The following CRYBG2 variants were observed in gnomAD, a reference collection of about 807,000 sequenced individuals.
CRYBG2 encodes crystallin beta-gamma domain containing 2.
In CRYBG2, 106 loss-of-function variants were observed where a neutral mutation model predicts 153.4. The observed-to-expected ratio is 0.69, with a 90% CI of 0.59 to 0.81. CRYBG2 has a LOEUF of 0.81. Ranked by LOEUF, CRYBG2 falls within the 30% of genes least tolerant of loss-of-function variation. The pLI is 0.00. For missense variants in CRYBG2, 1,996 were observed against 2,112.0 expected (o/e 0.95, Z 1.08); for synonymous variants, 851 against 877.8 (o/e 0.97, Z 0.54).
At position 26,343,856 on chromosome 1, in the gene CRYBG2, C is replaced by T; in HGVS notation, c.2802G>A (p.Leu934=). The T allele has an allele frequency of 6.7e-7, 1 of 1,494,080 alleles. No homozygotes were observed. Among genetic ancestry groups the T allele is most frequent in the Admixed American group, 2.3e-5 (1 of 44,006 alleles). 92.6% of individuals were successfully genotyped at this position (1,494,080 alleles called of 1,614,324 possible). A position where few individuals can be genotyped will look rare whatever the true frequency, so the allele number is the denominator to read the frequency against. ...EPLGTKLSAL[L]PHGAPGLRKV... is the part of the protein sequence containing the mutation. Reference sequence around the variant, plus strand: ...TCCTGAGCCCCGGTGCCCCATGGGGCAGCAGAGCAGATAGTTTTGTGCCCA... The same window carrying T: ...TCCTGAGCCCCGGTGCCCCATGGGGTAGCAGAGCAGATAGTTTTGTGCCCA... The change falls in exon 2 of 20, where the codon CTG becomes CTA. Residue 934 remains leucine (L), a synonymous_variant. Transcript: ENST00000308182. This position sits in a 1 kb window ranked among gnomAD's most constrained non-coding sequence, Gnocchi z 4.1.
chr1:26,341,196 C>T (rs1258889809), intron 5 of CRYBG2, among the ~76,000 whole-genome samples: 2 of 151,564 alleles, frequency 1.3e-5, no homozygotes, highest in East Asian at 4.0e-4. Context: ...AAAAAATTAG[C>T]CGGGCATAGT....
At position 26,345,593 on chromosome 1, in the gene CRYBG2, G is replaced by A; in HGVS notation, c.1065C>T (p.Pro355=). 1 of 1,601,416 alleles carries A rather than the reference G, an allele frequency of 6.2e-7. No individual in the cohort carries two copies. Among genetic ancestry groups the A allele is most frequent in the East Asian group, 2.2e-5 (1 of 44,868 alleles). The change falls in exon 2 of 20, where the codon CCC becomes CCT. Residue 355 remains proline, a synonymous_variant. Transcript: ENST00000308182. ...GAGAGGGGACATGGGTCTCGAGTCT[G>A]GGAGAGGAGGGGACTGATGCTTGAC... ...SQGQASVPSS[P]RLETHVPSPG...
At chr1:26,324,491 ATC>A (rs398049161) in intron 17 of CRYBG2, among the ~76,000 whole-genome samples, 181 bp from the exon 18 acceptor site, 1,572 of 135,566 alleles carry the variant, frequency 0.012, 18 homozygotes, top group African/African-American at 0.038. Context: ...GAGCACATGT[ATC>A]TCTCTCTCTC....
In CRYBG2 at chr1:26,342,851, C is replaced by G. The variant is rs758313507; in HGVS notation, c.3107G>C (p.Gly1036Ala). The change falls in exon 5 of 20, where the codon GGT becomes GCT. Residue 1036 changes from glycine to alanine, a missense_variant. Coordinates refer to ENST00000308182, the MANE Select transcript of CRYBG2 (RefSeq NM_001039775.4). Reference sequence around the variant, plus strand: ...TCCTTCAGGCAGGACCAGCTTCTGACCCCGGAACTCTGGCTCTTCGTACAG... The same window carrying G: ...TCCTTCAGGCAGGACCAGCTTCTGAGCCCGGAACTCTGGCTCTTCGTACAG... ...WVLYEEPEFR[G>A]QKLVLPEGDM... The G allele has an allele frequency of 6.2e-7, 1 of 1,614,172 alleles. No individual in the cohort carries two copies. Among genetic ancestry groups the G allele is most frequent in the Non-Finnish European group, 8.5e-7 (1 of 1,180,028 alleles).
At chr1:26,328,927 G>A (rs981113324) in intron 15 of CRYBG2, 54 bp from the exon 16 acceptor site, 105 of 1,603,538 alleles carry the variant, frequency 6.5e-5, no homozygotes, top group Non-Finnish European at 8.8e-5. Flanking sequence ...AGTCCCAGAC[G>A]CAGCCCCACA....
intron 1 of CRYBG2, among the ~76,000 whole-genome samples, chr1:26,348,163 C>T (rs965892319): frequency 1.3e-5 from 2 of 152,190 alleles, no homozygotes; most frequent in Non-Finnish European, 2.9e-5. Flanking sequence ...AGATTTGTGA[C>T]CAAATGTTAG....
chr1:26,330,689 C>A (rs1313174092), intron 15 of CRYBG2, among the ~76,000 whole-genome samples: 1 of 151,940 alleles, frequency 6.6e-6, no homozygotes, highest in Non-Finnish European at 1.5e-5. Context: ...CAGACGTGCA[C>A]CACCACACCT....
intron 1 of CRYBG2, among the ~76,000 whole-genome samples, chr1:26,352,158 C>T (rs2074293688): frequency 6.6e-6 from 1 of 152,184 alleles, no homozygotes; most frequent in Admixed American, 6.5e-5. Flanking sequence ...CACAGGCCCA[C>T]ATGCAGGCAA....
In CRYBG2 at chr1:26,327,539, C is replaced by T. The variant is rs185695108; in HGVS notation, c.4578+670G>A. Among the ~76,000 whole-genome samples, 182 of 151,892 alleles carry T rather than the reference C, an allele frequency of 1.2e-3. 1 individual carries two copies. The highest frequency in any genetic ancestry group is 0.01 in the Middle Eastern group (3 of 294). On this transcript the variant is annotated intron_variant, in intron 17 of 19. Transcript: ENST00000308182. Reference sequence around the variant, plus strand: ...TGGCACATACTTGTAATCCCAGCTACTTCGGAGGATGAGGTAGGAGAATCA... The same window carrying T: ...TGGCACATACTTGTAATCCCAGCTATTTCGGAGGATGAGGTAGGAGAATCA...
At chr1:26,326,367 C>T (rs955587877) in intron 17 of CRYBG2, among the ~76,000 whole-genome samples, 10 of 151,874 alleles carry the variant, frequency 6.6e-5, no homozygotes, top group Non-Finnish European at 4.4e-5. Context: ...GAAACCCCAT[C>T]TCTACTAAAA....
At chr1:26,329,377 A>G (rs956097244) in intron 15 of CRYBG2, among the ~76,000 whole-genome samples, 1 of 151,516 alleles carries the variant, frequency 6.6e-6, no homozygotes, top group Non-Finnish European at 1.5e-5. Flanking sequence ...GGCTTTCGCC[A>G]TGTTAGTCTG....
chr1:26,347,720 G>A (rs1438967752), intron 1 of CRYBG2, among the ~76,000 whole-genome samples: 1 of 151,952 alleles, frequency 6.6e-6, no homozygotes, highest in Non-Finnish European at 1.5e-5. Flanking sequence ...TTGATCTCCT[G>A]ACCTCATGAT....
rs767107659 is a variant in CRYBG2 at position 26,336,300 on chromosome 1, C to T, written c.4071+38G>A. ...GAAAGGTCCGAAATGAGGGGAGAGA[C>T]GTGAGCCCAGCGGCTCCCTGCGGAG... On this transcript the variant is annotated intron_variant, in intron 13 of 19. Coordinates refer to ENST00000308182, the MANE Select transcript of CRYBG2 (RefSeq NM_001039775.4). This position sits in a 1 kb window ranked among gnomAD's most constrained non-coding sequence, Gnocchi z 4.9. 14 of 1,611,930 alleles carry T rather than the reference C, an allele frequency of 8.7e-6. No homozygotes were observed. The highest frequency in any genetic ancestry group is 1.2e-5 in the Non-Finnish European group (14 of 1,178,986).
chr1:26,336,675 GC>G lies in CRYBG2; in HGVS notation c.3968del (p.Gly1323AlafsTer188). The G allele has an allele frequency of 1.9e-6, 3 of 1,559,564 alleles. No individual in the cohort carries two copies. Among genetic ancestry groups the G allele is most frequent in the Non-Finnish European group, 2.6e-6 (3 of 1,151,482 alleles). On this transcript the variant is annotated frameshift_variant, in exon 12 of 20. Coordinates refer to ENST00000308182, the MANE Select transcript of CRYBG2 (RefSeq NM_001039775.4). LOFTEE classifies it high-confidence loss of function. The surrounding 1 kb of genome is among the most constrained non-coding windows in gnomAD (Gnocchi z 4.9). ...FSGEQYVLEKGVYRNCEDWGA... is the reference protein window; with the variant it reads ...FSGEQYVLEKXVYRNCEDWGA... ...CCCAGTCCTCGCAGTTACGATACAC[GC>G]CCTTCTCCAGCACGTACTGTTCCCC...
At position 26,336,510 on chromosome 1, in the gene CRYBG2, G is replaced by A; in HGVS notation, c.4038+96C>T. ...AGGCCCCGCCCCAAGCGCCCAGGCA[G>A]GTCCTCCAGCCCGCTACCTCTGCGT... On this transcript the variant is annotated intron_variant, in intron 12 of 19. Transcript: ENST00000308182. The surrounding 1 kb of genome is among the most constrained non-coding windows in gnomAD (Gnocchi z 4.9). The A allele has an allele frequency of 1.9e-6, 3 of 1,545,556 alleles. No homozygotes were observed. The highest frequency in any genetic ancestry group is 2.6e-6 in the Non-Finnish European group (3 of 1,144,152).
chr1:26,339,848 T>C (rs993865706), intron 5 of CRYBG2, among the ~76,000 whole-genome samples: 3 of 152,200 alleles, frequency 2.0e-5, no homozygotes, highest in African/African-American at 7.2e-5. Flanking sequence ...AGAAAACCTT[T>C]GTAGCCATTC....
At chr1:26,339,705 A>C (rs10902740) in intron 5 of CRYBG2, among the ~76,000 whole-genome samples, 91,731 of 151,092 alleles carry the variant, frequency 0.61, 28,689 homozygotes, top group African/African-American at 0.67. Context: ...CATTGCACTC[A>C]AGCCTGGGCA....
At position 26,336,627 on chromosome 1, in the gene CRYBG2, G is replaced by A; in HGVS notation, c.4017C>T (p.Ala1339=). 1.3e-6 allele frequency: 2 copies of A among 1,550,272 alleles called. No homozygotes were observed. The highest frequency in any genetic ancestry group is 2.4e-5 in the South Asian group (2 of 84,082). Residue 1339 remains alanine (A), a synonymous_variant, in exon 12 of 20, where the codon GCC becomes GCT. Transcript: ENST00000308182. This position sits in a 1 kb window ranked among gnomAD's most constrained non-coding sequence, Gnocchi z 4.9. ...GCACCTGTAGGACCGGCTGCAGCGA[G>A]GCGAGGGTGCTGTTGCCAGCGCCCC... ...EDWGAGNSTL[A]SLQPVLQVGE... is the part of the protein sequence containing the mutation.
In CRYBG2 at chr1:26,345,851, T is replaced by C; in HGVS notation, c.807A>G (p.Thr269=). 6 of 1,596,900 alleles carry C rather than the reference T, an allele frequency of 3.8e-6. No homozygotes were observed. Among genetic ancestry groups the C allele is most frequent in the Non-Finnish European group, 5.1e-6 (6 of 1,179,304 alleles). Residue 269 remains threonine (T), a synonymous_variant, in exon 2 of 20, where the codon ACA becomes ACG. Transcript: ENST00000308182. ...GCAGCTGCCTCAAGGCTGCCCCCAC[T>C]GTGCTGCCCAGACCTGTGCTCCTTG... The part of the protein sequence containing the change: ...GGPRSTGLGS[T]VGAALRQLPE...
Sources: allele counts gnomAD v4.1 joint callset (sites outside exome capture counted in the v4.1 genomes callset), GRCh38; gene constraint gnomAD v4.1.1; non-coding constraint Gnocchi (gnomAD v3.1); transcripts MANE v1.5; gene names NCBI Gene and HGNC (gene_info 2026-07-23, HGNC 2026-07-21).